The following IMPG1 variants were observed in gnomAD, a reference collection of about 807,000 sequenced individuals.
IMPG1 encodes the protein interphotoreceptor matrix proteoglycan of 150 kDa.
A neutral mutation model predicts 92.0 loss-of-function variants in IMPG1; 85 were observed. That is an observed-to-expected ratio of 0.92 (90% CI 0.78 to 1.11). The LOEUF (loss-of-function observed/expected upper bound fraction) is 1.11, where lower values mean the gene tolerates loss of function less well. Among genes scored for constraint, IMPG1 ranks in the 50% least tolerant of loss-of-function variants. The pLI is 0.00. For missense variants in IMPG1, 1,022 were observed against 956.0 expected, an observed-to-expected ratio of 1.07 and a Z score of -0.91; for synonymous variants, 367 against 334.1, an observed-to-expected ratio of 1.10 and a Z score of -1.08.
intron 4 of IMPG1, among the ~76,000 whole-genome samples, chr6:76,026,686 T>C (rs1582114189): frequency 6.6e-6 from 1 of 152,214 alleles, no homozygotes; most frequent in East Asian, 1.9e-4. Flanking sequence ...GAGTAAGAGG[T>C]TCTTCCCCAG....
intron 15 of IMPG1, among the ~76,000 whole-genome samples, chr6:75,924,670 T>TGA (rs1562335106): frequency 0.023 from 103 of 4,412 alleles, 18 homozygotes; most frequent in African/African-American, 0.058. Flanking sequence ...ATATAATAAA[T>TGA]TATATATTAT....
intron 14 of IMPG1, among the ~76,000 whole-genome samples, chr6:75,936,557 T>C (rs1459301483): frequency 6.6e-6 from 1 of 152,164 alleles, no homozygotes; most frequent in African/African-American, 2.4e-5. Flanking sequence ...TGGCAAGTAA[T>C]GTGATAGACT....
intron 14 of IMPG1, among the ~76,000 whole-genome samples, chr6:75,934,464 C>A (rs927045579): frequency 6.6e-6 from 1 of 152,132 alleles, no homozygotes; most frequent in African/African-American, 2.4e-5. Flanking sequence ...GAAAAGCAAT[C>A]CCAATTGGTG....
rs142634532 is a variant in IMPG1 at position 75,934,021 on chromosome 6, T to C, written c.2045-2870A>G. ...AAATAATTCTAGAGGTTTTCAAATA[T>C]GGGGTTTCCAGGAGACACCACAGGA... On this transcript the variant is annotated intron_variant, in intron 14 of 16. Coordinates refer to ENST00000369950, the MANE Select transcript of IMPG1 (RefSeq NM_001563.4). 6.4e-4 allele frequency among the ~76,000 whole-genome samples: 97 copies of C among 152,308 alleles called. 2 individuals carry two copies. In the East Asian group the frequency reaches 0.015, roughly 23 times the overall value.
intron 12 of IMPG1, among the ~76,000 whole-genome samples, chr6:75,997,598 C>T (rs764360848): frequency 3.9e-5 from 6 of 152,130 alleles, no homozygotes; most frequent in South Asian, 2.1e-4. Context: ...TTGCCTTACA[C>T]GTGAGGCTGT....
At chr6:75,938,737 C>T (rs1039029168) in intron 14 of IMPG1, among the ~76,000 whole-genome samples, 11 of 152,018 alleles carry the variant, frequency 7.2e-5, no homozygotes, top group Admixed American at 1.3e-4. Flanking sequence ...CACTGGAACC[C>T]GGGAGGCGGA....
At chr6:75,966,562 C>T (rs895725244) in intron 12 of IMPG1, among the ~76,000 whole-genome samples, 2 of 152,186 alleles carry the variant, frequency 1.3e-5, no homozygotes, top group Admixed American at 6.5e-5. Context: ...ACTTTCCAGC[C>T]TCCAGAACTA....
At chr6:76,055,091 A>G (rs1784099181) in intron 1 of IMPG1, among the ~76,000 whole-genome samples, 1 of 152,200 alleles carries the variant, frequency 6.6e-6, no homozygotes, top group African/African-American at 2.4e-5. Context: ...TGTATGAGGC[A>G]TCATATCTAC....
intron 4 of IMPG1, among the ~76,000 whole-genome samples, chr6:76,032,000 C>A (rs1186907313): frequency 6.6e-6 from 1 of 152,214 alleles, no homozygotes; most frequent in Non-Finnish European, 1.5e-5. Flanking sequence ...AACTGGCAGA[C>A]TTACGGGTTA....
intron 12 of IMPG1, among the ~76,000 whole-genome samples, chr6:75,977,993 T>C (rs953553876): frequency 2.6e-5 from 4 of 152,106 alleles, no homozygotes; most frequent in Admixed American, 2.0e-4. Context: ...GACACAATCA[T>C]AGCTCACTGC....
chr6:76,054,432 C>G (rs554909138), intron 1 of IMPG1, among the ~76,000 whole-genome samples: 1 of 151,994 alleles, frequency 6.6e-6, no homozygotes, highest in East Asian at 1.9e-4. Flanking sequence ...TGCATATGGA[C>G]GAAACGCACC....
intron 12 of IMPG1, among the ~76,000 whole-genome samples, chr6:75,993,268 T>C (rs185130744): frequency 6.6e-6 from 1 of 152,298 alleles, no homozygotes; most frequent in Non-Finnish European, 1.5e-5. Flanking sequence ...GGTATTTAAA[T>C]TGGGATTACA....
At chr6:76,032,526 A>AT (rs1156905434) in intron 4 of IMPG1, among the ~76,000 whole-genome samples, 1 of 152,160 alleles carries the variant, frequency 6.6e-6, no homozygotes, top group Non-Finnish European at 1.5e-5. Flanking sequence ...TCAGTTCTGT[A>AT]TAGTAGGTGG....
chr6:76,034,504 C>T, intron 3 of IMPG1, 117 bp downstream of exon 3: 7 of 1,260,894 alleles, frequency 5.6e-6, no homozygotes, highest in South Asian at 4.1e-5. Flanking sequence ...TCAGATACCT[C>T]CAAGCACTTC....
intron 1 of IMPG1, among the ~76,000 whole-genome samples, chr6:76,051,504 A>T (rs576963078): frequency 6.6e-6 from 1 of 152,192 alleles, no homozygotes; most frequent in Non-Finnish European, 1.5e-5. Flanking sequence ...TGCCAGCCCC[A>T]ATCTGTGGCC....
intron 1 of IMPG1, among the ~76,000 whole-genome samples, chr6:76,065,767 T>C (rs1213810792): frequency 6.6e-6 from 1 of 151,998 alleles, no homozygotes; most frequent in Non-Finnish European, 1.5e-5. Flanking sequence ...TTCACAGAGA[T>C]ATATAGTCAT....
In IMPG1 at chr6:75,947,423, C is replaced by T; in HGVS notation, c.1935G>A (p.Val645=). The T allele has an allele frequency of 1.9e-6, 3 of 1,613,850 alleles. No individual in the cohort carries two copies. The highest frequency in any genetic ancestry group is 2.5e-6 in the Non-Finnish European group (3 of 1,179,830). ...VNSKMKFAKS[V]PYNLTKAVHG... ...GCACAGCCTTGGTGAGGTTATACGG[C>T]ACTGACTTAGCAAACTTCATTTTGC... The change falls in exon 14 of 17, where the codon GTG becomes GTA. Residue 645 remains valine (V), a synonymous_variant. Coordinates refer to ENST00000369950, the MANE Select transcript of IMPG1 (RefSeq NM_001563.4).
At chr6:76,052,995 C>A (rs576865077) in intron 1 of IMPG1, among the ~76,000 whole-genome samples, 1 of 152,124 alleles carries the variant, frequency 6.6e-6, no homozygotes, top group Non-Finnish European at 1.5e-5. Context: ...CTTTTCCATA[C>A]CCCTCCATCA....
intron 1 of IMPG1, among the ~76,000 whole-genome samples, chr6:76,053,330 A>T (rs1784072916): frequency 6.6e-6 from 1 of 152,224 alleles, no homozygotes; most frequent in Non-Finnish European, 1.5e-5. Flanking sequence ...CCAAGGGGTT[A>T]TGCCAGAAAG....
Sources: allele counts gnomAD v4.1 joint callset (sites outside exome capture counted in the v4.1 genomes callset), GRCh38; gene constraint gnomAD v4.1.1; transcripts MANE v1.5; gene names NCBI Gene and HGNC (gene_info 2026-07-23, HGNC 2026-07-21).